EFHB: variants seen among roughly 807,000 people sequenced by gnomAD.
The protein encoded by EFHB is EF-hand domain family member B, also known as EF-hand domain-containing family member B.
Under a neutral mutation model 87.2 loss-of-function variants are expected in EFHB, and 91 were observed. The ratio of observed to expected loss-of-function variants is 1.04; its 90% CI spans 0.88 to 1.24. The LOEUF (loss-of-function observed/expected upper bound fraction) is 1.24, where lower values mean the gene tolerates loss of function less well. Among genes scored for constraint, EFHB ranks in the 50% most tolerant of loss-of-function variants. The pLI is 0.00. For missense variants in EFHB, 1,084 were observed against 998.8 expected (o/e 1.09, Z -1.15); for synonymous variants, 325 against 333.6 (o/e 0.97, Z 0.28).
Position 19,899,434 on chromosome 3 carries a change from A to G in EFHB, c.1500T>C (p.Asp500=), listed in dbSNP as rs1694594802. The change falls in exon 7 of 13, where the codon GAT becomes GAC. Residue 500 remains aspartate (D), a splice_region_variant and synonymous_variant. Transcript: ENST00000295824. The stretch of plus-strand genomic sequence containing the variant: ...TTTGAAGTTAATCATTAACTTACGG[A>G]TCTAAAACTCTTCCAAGTTTATGTT... ...KFQHKLGRVL[D]PIAETMNVPP... is the part of the protein sequence containing the mutation. 1.3e-6 allele frequency: 2 copies of G among 1,596,418 alleles called. No homozygotes were observed. Among genetic ancestry groups the G allele is most frequent in the African/African-American group, 1.3e-5 (1 of 74,432 alleles).
At chr3:19,880,589 T>C (rs986838202) in intron 12 of EFHB, among the ~76,000 whole-genome samples, 3 of 152,142 alleles carry the variant, frequency 2.0e-5, no homozygotes, top group Non-Finnish European at 4.4e-5. Flanking sequence ...ATTTATAAAA[T>C]GTATCTAACT....
chr3:19,885,820 C>G (rs1483448386), intron 10 of EFHB, among the ~76,000 whole-genome samples: 1 of 152,188 alleles, frequency 6.6e-6, no homozygotes, highest in East Asian at 1.9e-4. Context: ...CTCTAACCCT[C>G]CACCTCACCA....
Position 19,884,584 on chromosome 3 carries a change from C to T in EFHB, c.1965G>A (p.Glu655=). Residue 655 remains glutamate, a synonymous_variant, in exon 11 of 13, where the codon GAG becomes GAA. Transcript: ENST00000295824. ...TTTGTTCAGGTTCTTCAACATTAGC[C>T]TCAGTAGGGTTTACACAATCTGGTT... The part of the protein sequence containing the change: ...GRKPDCVNPT[E]ANVEEPEQTL... The T allele has an allele frequency of 6.2e-7, 1 of 1,613,854 alleles. No homozygotes were observed. The highest frequency in any genetic ancestry group is 8.5e-7 in the Non-Finnish European group (1 of 1,179,872).
intron 6 of EFHB, among the ~76,000 whole-genome samples, chr3:19,904,280 C>T (rs550799244): frequency 4.6e-5 from 7 of 152,326 alleles, no homozygotes; most frequent in African/African-American, 1.7e-4. Context: ...TGTATTCTCT[C>T]ACAGTCCTAG....
Position 19,879,794 on chromosome 3 carries a change from A to C in EFHB, c.2339T>G (p.Ile780Arg). 6.3e-7 allele frequency: 1 copy of C among 1,583,830 alleles called. No homozygotes were observed. The highest frequency in any genetic ancestry group is 8.6e-7 in the Non-Finnish European group (1 of 1,169,056). The part of the protein sequence containing the change: ...KTRSKEEIAE[I>R]LCNIGVKLSD... ...CAGTTTGACACCAATGTTACACAAT[A>C]TCTCTGCAATCTAGAAAAAGGCATT... The change falls in exon 13 of 13, where the codon ATA (isoleucine) becomes AGA (arginine). Residue 780 changes from isoleucine (I) to arginine (R), a missense_variant. By Grantham distance (97) the Ile-to-Arg change is moderately conservative. Transcript: ENST00000295824.
chr3:19,931,330 G>A (rs958751389), intron 1 of EFHB, among the ~76,000 whole-genome samples: 5 of 152,210 alleles, frequency 3.3e-5, no homozygotes, highest in African/African-American at 9.7e-5. Flanking sequence ...GAAGGTATGC[G>A]AAGTGGGAGG....
upstream of EFHB, chr3:19,934,271 T>C (rs1695947293): frequency 2.1e-6 from 3 of 1,397,672 alleles, no homozygotes; most frequent in Non-Finnish European, 2.8e-6. Flanking sequence ...AAGTCCTGCT[T>C]GGACAGATCC....
chr3:19,923,262 T>C (rs963286235), intron 1 of EFHB, among the ~76,000 whole-genome samples: 1 of 151,242 alleles, frequency 6.6e-6, no homozygotes, highest in Non-Finnish European at 1.5e-5. Flanking sequence ...AGTGAAACTC[T>C]GTCTCAAAAG....
chr3:19,939,543 C>G (rs1448274169), intron 1 of EFHB, among the ~76,000 whole-genome samples: 1 of 147,100 alleles, frequency 6.8e-6, no homozygotes, highest in Non-Finnish European at 1.5e-5. Context: ...CGCCACCACA[C>G]CCGGCTAATT....
At chr3:19,936,280 G>C, upstream of EFHB, 2 of 674,628 alleles carry the variant, frequency 3.0e-6, no homozygotes, top group African/African-American at 1.8e-5. Flanking sequence ...AGCCCAGGAG[G>C]TCTATGCGGC....
intron 1 of EFHB, among the ~76,000 whole-genome samples, chr3:19,926,879 C>T (rs1695649744): frequency 1.3e-5 from 2 of 149,922 alleles, no homozygotes; most frequent in Admixed American, 6.7e-5. Flanking sequence ...AGGCTGGTCT[C>T]GAACTCCCAA....
At chr3:19,899,364 T>C (rs555164685) in intron 7 of EFHB, 68 bp downstream of exon 7, 41 of 1,154,752 alleles carry the variant, frequency 3.6e-5, no homozygotes, top group Non-Finnish European at 4.5e-5. Context: ...ACACCAACAG[T>C]TACCACAAGA....
chr3:19,933,857 C>T lies in EFHB; in HGVS notation c.162G>A (p.Glu54=), dbSNP rs1257194510. The change falls in exon 1 of 13, where the codon GAG becomes GAA. Residue 54 remains glutamate, a synonymous_variant. Transcript: ENST00000295824. ...GESPVVSNKC[E]GRMAPPETKF... ...TTGTTTCTGGTGGTGCCATCCTTCC[C>T]TCACACTTATTACTAACCACAGGGC... 1 of 1,613,820 alleles carries T rather than the reference C, an allele frequency of 6.2e-7. No individual in the cohort carries two copies. The highest frequency in any genetic ancestry group is 1.3e-5 in the African/African-American group (1 of 74,904).
At chr3:19,916,353 A>G (rs568410613) in intron 4 of EFHB, among the ~76,000 whole-genome samples, 233 of 152,052 alleles carry the variant, frequency 1.5e-3, no homozygotes, top group African/African-American at 5.3e-3. Flanking sequence ...TGTCTCTACT[A>G]AAAATACAAA....
intron 4 of EFHB, among the ~76,000 whole-genome samples, chr3:19,917,002 T>G (rs1248208844): frequency 1.3e-5 from 2 of 152,228 alleles, no homozygotes; most frequent in East Asian, 3.9e-4. Context: ...TAGAGAATAC[T>G]TTCCACATTA....
chr3:19,905,653 G>C lies in EFHB; in HGVS notation c.1385C>G (p.Ala462Gly). Residue 462 changes from alanine (A) to glycine (G), a missense_variant, in exon 6 of 13, where the codon GCA (alanine) becomes GGA (glycine). By Grantham distance (60) the Ala-to-Gly change is moderately conservative. Coordinates refer to ENST00000295824, the MANE Select transcript of EFHB (RefSeq NM_144715.4). ...TTCATGGAGCCAATATAGAGATTTT[G>C]CCATGGCTCGTCCATCATTAAAATG... is the stretch of plus-strand genomic sequence containing the variant. ...TPHFNDGRAMAKSLYWLHELQ... is the reference protein window; with the variant it reads ...TPHFNDGRAMGKSLYWLHELQ... 6.2e-7 allele frequency: 1 copy of C among 1,613,724 alleles called. No individual in the cohort carries two copies. Among genetic ancestry groups the C allele is most frequent in the Non-Finnish European group, 8.5e-7 (1 of 1,179,786 alleles).
At chr3:19,920,010 TAC>T in intron 2 of EFHB, 34 bp from the exon 3 acceptor site, 1 of 1,609,488 alleles carries the variant, frequency 6.2e-7, no homozygotes, top group Non-Finnish European at 8.5e-7. Flanking sequence ...TAGTATTAAG[TAC>T]AGTTTCTAAA....
chr3:19,924,724 C>T (rs1695558477), intron 1 of EFHB, among the ~76,000 whole-genome samples: 1 of 152,102 alleles, frequency 6.6e-6, no homozygotes, highest in African/African-American at 2.4e-5. Flanking sequence ...GTTCCATGTT[C>T]ATATTGTACT....
intron 5 of EFHB, among the ~76,000 whole-genome samples, chr3:19,913,135 A>G (rs1232652978): frequency 6.6e-6 from 1 of 152,212 alleles, no homozygotes; most frequent in East Asian, 1.9e-4. Flanking sequence ...ACAGAACCCC[A>G]GCTAGTATGA....
Sources: allele counts gnomAD v4.1 joint callset (sites outside exome capture counted in the v4.1 genomes callset), GRCh38; gene constraint gnomAD v4.1.1; transcripts MANE v1.5; gene names NCBI Gene and HGNC (gene_info 2026-07-23, HGNC 2026-07-21).